The following ZNF638 variants were observed in gnomAD, a reference collection of about 807,000 sequenced individuals.
ZNF638 encodes zinc finger protein 638, also known as CTCL tumor antigen se33-1.
A neutral mutation model predicts 195.6 loss-of-function variants in ZNF638; 46 were observed. The observed-to-expected ratio is 0.24, with a 90% CI of 0.19 to 0.30. ZNF638 has a LOEUF of 0.30. ZNF638 is among the 10% of genes least tolerant of loss of function. The pLI is 1.00. For missense variants in ZNF638, 2,440 were observed against 2,325.3 expected, an observed-to-expected ratio of 1.05 and a Z score of -1.01; for synonymous variants, 845 against 772.0, an observed-to-expected ratio of 1.09 and a Z score of -1.57.
chr2:71,346,596 G>A (rs1258349317), intron 1 of ZNF638, among the ~76,000 whole-genome samples: 1 of 152,138 alleles, frequency 6.6e-6, no homozygotes, highest in Non-Finnish European at 1.5e-5. Flanking sequence ...TAGGAGTAGG[G>A]TTTATATGCC....
intron 10 of ZNF638, chr2:71,380,866 C>T (rs1341048154): frequency 1.4e-5 from 3 of 211,346 alleles, no homozygotes; most frequent in Non-Finnish European, 2.8e-5. Context: ...CCCTCCATCC[C>T]TTCCCGATAA....
In ZNF638 at chr2:71,380,753, G is replaced by A. The variant is rs184380779; in HGVS notation, c.2377+188G>A. 8 of 438,834 alleles carry A rather than the reference G, an allele frequency of 1.8e-5. No individual in the cohort carries two copies. In the Admixed American group the frequency reaches 2.6e-4, roughly 14 times the overall value. 27.2% of individuals were successfully genotyped at this position (438,834 alleles called of 1,614,324 possible). On this transcript the variant is annotated intron_variant, in intron 10 of 27. Transcript: ENST00000264447. ...CTGTGTAATTACAGAATCACTTCTG[G>A]AGTAAATACAACAAATCTGTGAGAT...
chr2:71,389,769 G>C (rs531417094), intron 10 of ZNF638, among the ~76,000 whole-genome samples: 1 of 152,124 alleles, frequency 6.6e-6, no homozygotes, highest in Non-Finnish European at 1.5e-5. Flanking sequence ...TTTATCAATC[G>C]GTTAACCCAG....
At chr2:71,371,818 C>T (rs1014891325) in intron 8 of ZNF638, among the ~76,000 whole-genome samples, 7 of 151,742 alleles carry the variant, frequency 4.6e-5, no homozygotes, top group African/African-American at 1.7e-4. Flanking sequence ...GGTTATTAAT[C>T]CCTTGTCAGA....
rs199581220 is a variant in ZNF638 at position 71,349,959 on chromosome 2, A to C, written c.1005A>C (p.Gln335His). The C allele has an allele frequency of 6.2e-7, 1 of 1,614,034 alleles. No homozygotes were observed. Among genetic ancestry groups the C allele is most frequent in the Non-Finnish European group, 8.5e-7 (1 of 1,180,044 alleles). ...TGATTCCTCCATCTATGAACCAGCA[A>C]CCTTTTTCGTCGGAATTAATTTCAT... ...QSLIPPSMNQ[Q>H]PFSSELISSV... The change falls in exon 2 of 28, where the codon CAA becomes CAC. Residue 335 changes from glutamine (Q) to histidine (H), a missense_variant. By Grantham distance (24) the Gln-to-His change is conservative. Around this residue, in one of 5 missense-constraint regions of ZNF638, gnomAD observed 305 missense variants for 283.6 expected, o/e 1.08. Transcript: ENST00000264447.
chr2:71,371,304 T>C (rs940598830), intron 8 of ZNF638, among the ~76,000 whole-genome samples: 2 of 152,174 alleles, frequency 1.3e-5, no homozygotes, highest in African/African-American at 4.8e-5. Flanking sequence ...GCAAGAAACA[T>C]GGGAGTACAG....
intron 6 of ZNF638, among the ~76,000 whole-genome samples, chr2:71,367,387 A>G (rs1248713192): frequency 6.6e-6 from 1 of 150,736 alleles, no homozygotes; most frequent in Non-Finnish European, 1.5e-5. Flanking sequence ...GCTCCCAGGT[A>G]GAAGACTACA....
chr2:71,333,287 A>G (rs1440512729), intron 1 of ZNF638, among the ~76,000 whole-genome samples: 1 of 152,224 alleles, frequency 6.6e-6, no homozygotes, highest in Non-Finnish European at 1.5e-5. Context: ...CATGTTATAC[A>G]TTAAAATATG....
intron 1 of ZNF638, among the ~76,000 whole-genome samples, chr2:71,333,754 T>G (rs1409486357): frequency 6.6e-6 from 1 of 152,242 alleles, no homozygotes; most frequent in Non-Finnish European, 1.5e-5. Flanking sequence ...TTTCTTGAGC[T>G]TTTGTTTCCT....
rs558437864 is a variant in ZNF638 at position 71,370,894 on chromosome 2, C to T, written c.2265+889C>T. Among the ~76,000 whole-genome samples the T allele has an allele frequency of 3.3e-5, 5 of 152,158 alleles. No homozygotes were observed. In the South Asian group the frequency reaches 6.2e-4, roughly 19 times the overall value. On this transcript the variant is annotated intron_variant, in intron 8 of 27. Transcript: ENST00000264447. ...ACATTAAATTATTTTTTACTATAGT[C>T]ACTCTGTTGCGCTAGCTAATACTGG...
intron 10 of ZNF638, among the ~76,000 whole-genome samples, chr2:71,390,662 G>T (rs1430347121): frequency 3.9e-5 from 6 of 152,174 alleles, no homozygotes; most frequent in Non-Finnish European, 7.3e-5. Flanking sequence ...GTTAATCACT[G>T]ATCAGAGACC....
intron 2 of ZNF638, among the ~76,000 whole-genome samples, chr2:71,354,118 A>G (rs1052466849): frequency 2.6e-5 from 4 of 152,240 alleles, no homozygotes; most frequent in Non-Finnish European, 5.9e-5. Context: ...ATTATTGTCA[A>G]CCGTGGTTTT....
Position 71,341,680 on chromosome 2 carries a change from A to G in ZNF638, c.-202-7073A>G, listed in dbSNP as rs188880310. 23 of 152,350 alleles carry G rather than the reference A, an allele frequency of 1.5e-4. No homozygotes were observed. In the East Asian group the frequency reaches 3.7e-3, roughly 24 times the overall value. 9.4% of individuals were successfully genotyped at this position (152,350 alleles called of 1,614,324 possible). On this transcript the variant is annotated intron_variant, in intron 1 of 27. Coordinates refer to ENST00000264447, the MANE Select transcript of ZNF638 (RefSeq NM_014497.5). ...TTTCCCCAACAAGTTAATAGTTAAG[A>G]ACCCTGATCTCAACTCTTCGTTTTT... is the stretch of plus-strand genomic sequence containing the variant.
At chr2:71,426,419 A>G (rs1482887928) in intron 23 of ZNF638, 41 bp from the exon 24 acceptor site, 2 of 1,458,776 alleles carry the variant, frequency 1.4e-6, no homozygotes, top group Non-Finnish European at 1.8e-6. Flanking sequence ...GCCAGTGGTC[A>G]AAATTTGTTT....
intron 20 of ZNF638, among the ~76,000 whole-genome samples, chr2:71,410,034 T>A (rs1455135222): frequency 6.6e-6 from 1 of 152,228 alleles, no homozygotes; most frequent in African/African-American, 2.4e-5. Flanking sequence ...AGATGTAAAA[T>A]TCTGTGCTTA....
At chr2:71,348,414 T>G in intron 1 of ZNF638, 1 of 1,000,172 alleles carries the variant, frequency 1.0e-6, no homozygotes, top group Non-Finnish European at 1.2e-6. Context: ...GCCTTCATCT[T>G]TTTTTTCCCC....
chr2:71,397,930 G>GACC (rs1453105901), intron 11 of ZNF638, among the ~76,000 whole-genome samples: 2 of 152,166 alleles, frequency 1.3e-5, no homozygotes, highest in African/African-American at 2.4e-5. Context: ...ATCTTTATAT[G>GACC]ACCTGACTAT....
intron 11 of ZNF638, 58 bp downstream of exon 11, chr2:71,396,249 A>G (rs1050727156): frequency 2.1e-6 from 3 of 1,402,242 alleles, no homozygotes; most frequent in Non-Finnish European, 3.0e-6. Flanking sequence ...GTATTTTAAA[A>G]TCGTATGGCA....
chr2:71,361,960 T>C (rs1416879411), intron 3 of ZNF638, among the ~76,000 whole-genome samples: 1 of 152,232 alleles, frequency 6.6e-6, no homozygotes, highest in African/African-American at 2.4e-5. Context: ...ATTTTCCTGC[T>C]AGGTGATTTG....
Sources: gnomAD v4.1 joint callset for allele counts (sites outside exome capture counted in the v4.1 genomes callset) on GRCh38, gnomAD v4.1.1 for gene constraint, gnomAD v4.1.1 regional missense constraint, MANE v1.5 for transcripts, NCBI Gene and HGNC (gene_info 2026-07-23, HGNC 2026-07-21) for gene names.